Variants in FMN1 observed in about 807,000 individuals in gnomAD.
The protein encoded by FMN1 is formin 1, also known as formin-1.
In FMN1, 110 loss-of-function variants were observed where a neutral mutation model predicts 132.4. The observed-to-expected ratio is 0.83, with a 90% CI of 0.71 to 0.97. FMN1 has a LOEUF of 0.97. Ranked by LOEUF, FMN1 falls within the 50% of genes least tolerant of loss-of-function variation. The pLI is 0.00. For missense variants in FMN1, 1,792 were observed against 1,705.3 expected, an observed-to-expected ratio of 1.05 and a Z score of -0.90; for synonymous variants, 722 against 651.7, an observed-to-expected ratio of 1.11 and a Z score of -1.64.
chr15:33,105,656 G>C (rs2039457173), intron 4 of FMN1: 1 of 152,028 alleles, frequency 6.6e-6, no homozygotes, highest in Non-Finnish European at 1.5e-5. Flanking sequence ...TGTACTGTTT[G>C]GATATCTAAA....
chr15:32,896,951 T>C (rs925613118), intron 15 of FMN1, among the ~76,000 whole-genome samples: 1 of 152,218 alleles, frequency 6.6e-6, no homozygotes, highest in East Asian at 1.9e-4. Flanking sequence ...TCTGATCATA[T>C]GGTAGTTCTA....
chr15:33,065,840 T>A (rs2037700159), intron 5 of FMN1, among the ~76,000 whole-genome samples: 2 of 152,212 alleles, frequency 1.3e-5, no homozygotes, highest in South Asian at 4.1e-4. Context: ...GTTAGTTTTC[T>A]TTGAGTAATA....
At chr15:32,783,445 G>A (rs2056736465) in intron 19 of FMN1, among the ~76,000 whole-genome samples, 1 of 152,074 alleles carries the variant, frequency 6.6e-6, no homozygotes, top group African/African-American at 2.4e-5. Context: ...TCTTGACTCT[G>A]TAGAAGTTGA....
At chr15:32,977,566 C>G (rs1161643347) in intron 7 of FMN1, among the ~76,000 whole-genome samples, 1 of 152,154 alleles carries the variant, frequency 6.6e-6, no homozygotes, top group Non-Finnish European at 1.5e-5. Context: ...TTCCTCTAAG[C>G]CTCATTTTAT....
intron 5 of FMN1, chr15:33,067,204 C>A (rs1171998759): frequency 1.2e-6 from 2 of 1,613,564 alleles, no homozygotes; most frequent in South Asian, 1.1e-5. Context: ...TGGGGCGACG[C>A]TCTGTCTGAA....
chr15:32,911,475 CTATT>C (rs907879816), intron 10 of FMN1, among the ~76,000 whole-genome samples: 4 of 152,094 alleles, frequency 2.6e-5, no homozygotes, highest in Non-Finnish European at 4.4e-5. Context: ...TGCTCGTCAA[CTATT>C]TATTCTGTTC....
intron 9 of FMN1, among the ~76,000 whole-genome samples, chr15:32,951,518 C>G (rs1043966544): frequency 6.6e-6 from 1 of 151,980 alleles, no homozygotes; most frequent in African/African-American, 2.4e-5. Context: ...GTCCAGGAAC[C>G]ATAAGTGAAT....
chr15:32,867,771 G>A (rs574108022), intron 16 of FMN1, among the ~76,000 whole-genome samples: 5 of 152,316 alleles, frequency 3.3e-5, no homozygotes, highest in South Asian at 2.1e-4. Context: ...GATTACAGGC[G>A]TGAGCCACCG....
In FMN1 at chr15:32,902,002, T is replaced by G; in HGVS notation, c.3416A>C (p.Glu1139Ala). The change falls in exon 13 of 21, where the codon GAA becomes GCA. Residue 1139 changes from glutamate (E) to alanine (A), a missense_variant. By Grantham distance (107) the Glu-to-Ala change is moderately radical. Transcript: ENST00000616417. ...HELAQIPNFA[E>A]RAQCIIFRSV... is the part of the protein sequence containing the mutation. Reference sequence around the variant, plus strand: ...TCTGAAGATTATGCACTGGGCACGTTCAGCAAAATTAGGAATCTGGGCTAA... The same window carrying G: ...TCTGAAGATTATGCACTGGGCACGTGCAGCAAAATTAGGAATCTGGGCTAA... The G allele has an allele frequency of 1.2e-6, 2 of 1,613,238 alleles. No individual in the cohort carries two copies. Among genetic ancestry groups the G allele is most frequent in the African/African-American group, 2.7e-5 (2 of 75,016 alleles).
intron 15 of FMN1, among the ~76,000 whole-genome samples, chr15:32,898,496 A>C (rs2060213116): frequency 6.6e-6 from 1 of 152,212 alleles, no homozygotes; most frequent in South Asian, 2.1e-4. Flanking sequence ...GCTTTGCATC[A>C]TCAGAATACA....
intron 7 of FMN1, among the ~76,000 whole-genome samples, chr15:33,000,342 G>A (rs2034022854): frequency 1.3e-5 from 2 of 151,970 alleles, no homozygotes; most frequent in East Asian, 1.9e-4. Flanking sequence ...CCAGCTACTC[G>A]GGAGGCTGAG....
At chr15:32,828,424 AGTC>A (rs1205673531) in intron 17 of FMN1, among the ~76,000 whole-genome samples, 2 of 152,164 alleles carry the variant, frequency 1.3e-5, no homozygotes, top group Non-Finnish European at 2.9e-5. Context: ...GATTACTCCA[AGTC>A]GTACAAAGGG....
intron 9 of FMN1, among the ~76,000 whole-genome samples, chr15:32,929,873 T>C (rs2061062179): frequency 6.6e-6 from 1 of 152,090 alleles, no homozygotes; most frequent in Non-Finnish European, 1.5e-5. Flanking sequence ...CTCTTTGCTA[T>C]TGTGAATGCT....
chr15:33,122,552 C>T (rs1595521985), intron 4 of FMN1, among the ~76,000 whole-genome samples: 1 of 152,294 alleles, frequency 6.6e-6, no homozygotes, highest in South Asian at 2.1e-4. Flanking sequence ...GGATAAACAA[C>T]CAGGCCAATA....
rs567904459 is a variant in FMN1, at chr15:33,084,953, T to C, written c.2043+3846A>G. On this transcript the variant is annotated intron_variant, in intron 5 of 20. Coordinates refer to ENST00000616417, the MANE Select transcript of FMN1 (RefSeq NM_001277313.2). ...CTTAAGAAAGTTAACATCCTGATTG[T>C]GACGCTGCAAGTCAGGTTTAAAACT... Among the ~76,000 whole-genome samples the C allele has an allele frequency of 3.8e-4, 58 of 152,308 alleles. 3 individuals are homozygous for C. The South Asian group carries it at 0.011, about 28-fold the overall frequency.
rs896150278 is a variant in FMN1, at chr15:33,115,474, CTG to C, written c.1868-26502_1868-26501del. Among the ~76,000 whole-genome samples, 99 of 150,208 alleles carry C rather than the reference CTG, an allele frequency of 6.6e-4. 2 individuals carry two copies. Among genetic ancestry groups the C allele is most frequent in the Admixed American group, 2.7e-4 (4 of 14,966 alleles). On this transcript the variant is annotated intron_variant, in intron 4 of 20. Transcript: ENST00000616417. The stretch of plus-strand genomic sequence containing the variant: ...CTTGTGTACAGCCTTGCTAAGGAAA[CTG>C]GATTTCATCCTTAAGCCCCCCCCCC...
Position 32,912,858 on chromosome 15 carries a change from G to C in FMN1, c.3227-2323C>G, listed in dbSNP as rs1042964379. Among the ~76,000 whole-genome samples the C allele has an allele frequency of 4.6e-5, 7 of 152,098 alleles. No homozygotes were observed. The East Asian group carries it at 9.6e-4, about 21-fold the overall frequency. ...TATAAAACAGCTCTAATACCACTTA[G>C]TGAAAATATTAAGTGAGGTAAGATA... On this transcript the variant is annotated intron_variant, in intron 10 of 20. Coordinates refer to ENST00000616417, the MANE Select transcript of FMN1 (RefSeq NM_001277313.2).
chr15:32,935,874 C>G (rs939323434), intron 9 of FMN1, among the ~76,000 whole-genome samples: 1 of 152,182 alleles, frequency 6.6e-6, no homozygotes, highest in African/African-American at 2.4e-5. Context: ...GATCTGCCCA[C>G]CTCAGCCTCC....
intron 5 of FMN1, among the ~76,000 whole-genome samples, chr15:33,087,475 G>A (rs1464591694): frequency 6.6e-6 from 1 of 152,126 alleles, no homozygotes; most frequent in Non-Finnish European, 1.5e-5. Context: ...GAACCCGGGA[G>A]GCAGAGGTTG....
Sources: allele counts gnomAD v4.1 joint callset (sites outside exome capture counted in the v4.1 genomes callset), GRCh38; gene constraint gnomAD v4.1.1; transcripts MANE v1.5; gene names NCBI Gene and HGNC (gene_info 2026-07-23, HGNC 2026-07-21).